APC: variants seen among roughly 807,000 people sequenced by gnomAD.
APC encodes the protein APC regulator of Wnt signaling pathway, also known as adenomatous polyposis coli protein.
In APC, 72 loss-of-function variants were observed where a neutral mutation model predicts 247.0. The observed-to-expected ratio is 0.29, with a 90% CI of 0.24 to 0.35. APC has a LOEUF of 0.35. Among genes scored for constraint, APC ranks in the 10% least tolerant of loss-of-function variants. APC has a pLI of 1.00. For synonymous variants in APC, 1,254 were observed against 1,162.5 expected, an observed-to-expected ratio of 1.08 and a Z score of -1.60; for missense variants, 3,400 against 3,360.7, an observed-to-expected ratio of 1.01 and a Z score of -0.29.
chr5:112,841,026 C>T lies in APC; in HGVS notation c.5432C>T (p.Ser1811Leu), dbSNP rs1060503325. Residue 1811 changes from serine to leucine, a missense_variant, in exon 16 of 16, where the codon TCA becomes TTA. Ser to Leu is a moderately radical substitution (Grantham distance 145). Around this residue, in one of 9 missense-constraint regions of APC, gnomAD observed 1,788 missense variants for 1,649.5 expected, o/e 1.08. Coordinates refer to ENST00000257430, the MANE Select transcript of APC (RefSeq NM_000038.6). The surrounding 1 kb of genome is among the most constrained non-coding windows in gnomAD (Gnocchi z 4.6). ...AGAGTTTTCTCAGACAACAAAGATT[C>T]AAAGAAACAGAATTTGAAAAATAAT... ...AERVFSDNKD[S>L]KKQNLKNNSK... The T allele has an allele frequency of 2.5e-6, 4 of 1,610,876 alleles. No individual in the cohort carries two copies. In the East Asian group the frequency reaches 8.9e-5, roughly 36 times the overall value.
chr5:112,727,729 G>C (rs1344667472), intron 1 of APC, among the ~76,000 whole-genome samples: 1 of 152,010 alleles, frequency 6.6e-6, no homozygotes, highest in African/African-American at 2.4e-5. Context: ...GAATCCACAT[G>C]CATAAGCATT....
chr5:112,735,151 AATTT>A (rs1191852789), upstream of APC, among the ~76,000 whole-genome samples: 1 of 151,954 alleles, frequency 6.6e-6, no homozygotes, highest in African/African-American at 2.4e-5. Flanking sequence ...AGTGTTACAC[AATTT>A]ATTTCTGTTT....
chr5:112,719,776 C>T (rs565843187), intron 1 of APC, among the ~76,000 whole-genome samples: 1 of 152,308 alleles, frequency 6.6e-6, no homozygotes, highest in Non-Finnish European at 1.5e-5. Flanking sequence ...TTCCTGACCT[C>T]AGGTGATCCT....
chr5:112,817,570 C>T (rs891745784), intron 9 of APC, among the ~76,000 whole-genome samples: 1 of 152,292 alleles, frequency 6.6e-6, no homozygotes, highest in East Asian at 1.9e-4. Flanking sequence ...TGTCTAACCT[C>T]AACATGTAGT....
At chr5:112,763,542 T>G (rs1755907925) in intron 2 of APC, among the ~76,000 whole-genome samples, 1 of 152,150 alleles carries the variant, frequency 6.6e-6, no homozygotes, top group South Asian at 2.1e-4. Context: ...TTTTATTATT[T>G]CTTTTTAAAA....
At position 112,843,677 on chromosome 5, in the gene APC, A is replaced by G; in HGVS notation, c.8083A>G (p.Lys2695Glu). Residue 2695 changes from lysine to glutamate, a missense_variant, in exon 16 of 16, where the codon AAA (lysine) becomes GAA (glutamate). Physicochemically the swap from Lys to Glu is moderately conservative, Grantham distance 56 (BLOSUM62 1). Transcript: ENST00000257430. The surrounding 1 kb of genome is among the most constrained non-coding windows in gnomAD (Gnocchi z 4.8). ...TTCAGAAAAGGCAAATCCAAACATT[A>G]AAGATTCAAAAGATAATCAGGCAAA... ...SVSEKANPNI[K>E]DSKDNQAKQN... 1 of 1,614,028 alleles carries G rather than the reference A, an allele frequency of 6.2e-7. No homozygotes were observed. The highest frequency in any genetic ancestry group is 1.1e-5 in the South Asian group (1 of 91,080).
chr5:112,711,964 C>G (rs1220839535), intron 1 of APC, among the ~76,000 whole-genome samples: 1 of 152,202 alleles, frequency 6.6e-6, no homozygotes, highest in Non-Finnish European at 1.5e-5. Context: ...AAGGCCACTT[C>G]TCCTAGCCTT....
At chr5:112,760,388 G>C (rs941151999) in intron 2 of APC, among the ~76,000 whole-genome samples, 1 of 152,222 alleles carries the variant, frequency 6.6e-6, no homozygotes, top group Non-Finnish European at 1.5e-5. Context: ...AGTCCTGCTA[G>C]AGGGAGAGAC....
chr5:112,820,133 A>G (rs1762969857), intron 10 of APC, among the ~76,000 whole-genome samples: 2 of 152,010 alleles, frequency 1.3e-5, no homozygotes, highest in Admixed American at 1.3e-4. Context: ...CCAAGAACCA[A>G]AAGCAGTAAG....
chr5:112,799,996 A>G (rs536127958), intron 7 of APC, among the ~76,000 whole-genome samples: 1 of 152,242 alleles, frequency 6.6e-6, no homozygotes, highest in African/African-American at 2.4e-5. Context: ...TCTCTGTTAT[A>G]TATATTTACA....
chr5:112,801,631 G>C (rs1029812914), intron 8 of APC, among the ~76,000 whole-genome samples: 8 of 151,578 alleles, frequency 5.3e-5, no homozygotes, highest in Non-Finnish European at 1.0e-4. Context: ...TAAAATGATT[G>C]TGAGTAGTTT....
At chr5:112,708,279 T>C (rs1750646735) in intron 1 of APC, among the ~76,000 whole-genome samples, 1 of 152,222 alleles carries the variant, frequency 6.6e-6, no homozygotes, top group African/African-American at 2.4e-5. Flanking sequence ...AAATACCTGA[T>C]AGCCCGGCAT....
In APC at chr5:112,841,536, A is replaced by G. The variant is rs1233897262; in HGVS notation, c.5942A>G (p.Asn1981Ser). Residue 1981 changes from asparagine (N) to serine (S), a missense_variant, in exon 16 of 16, where the codon AAT becomes AGT. Coordinates refer to ENST00000257430, the MANE Select transcript of APC (RefSeq NM_000038.6). The surrounding 1 kb of genome is among the most constrained non-coding windows in gnomAD (Gnocchi z 4.6). ...SLSDIDQENN[N>S]KENEPIKETE... ...AGTGACATTGACCAAGAAAACAACA[A>G]TAAAGAAAATGAACCTATCAAAGAG... 6 of 1,614,020 alleles carry G rather than the reference A, an allele frequency of 3.7e-6. No homozygotes were observed. The highest frequency in any genetic ancestry group is 1.1e-5 in the South Asian group (1 of 91,078).
intron 1 of APC, among the ~76,000 whole-genome samples, chr5:112,753,491 A>T (rs944732723): frequency 6.6e-6 from 1 of 152,202 alleles, no homozygotes; most frequent in Non-Finnish European, 1.5e-5. Flanking sequence ...TCATTTACAA[A>T]TTGTGAAATG....
At chr5:112,723,837 A>G (rs139970577) in intron 1 of APC, among the ~76,000 whole-genome samples, 515 of 152,180 alleles carry the variant, frequency 3.4e-3, no homozygotes, top group African/African-American at 4.6e-3. Context: ...TTACCTTACC[A>G]TTACTGCCCC....
rs1554085511 is a variant in APC at position 112,839,688 on chromosome 5, G to A, written c.4094G>A (p.Gly1365Asp). ...SSGAKSPSKS[G>D]AQTPKSPPEH... Reference sequence around the variant, plus strand: ...GGAGCGAAATCTCCCTCCAAAAGTGGTGCTCAGACACCCAAAAGTCCACCT... The same window carrying A: ...GGAGCGAAATCTCCCTCCAAAAGTGATGCTCAGACACCCAAAAGTCCACCT... Residue 1365 changes from glycine to aspartate, a missense_variant, in exon 16 of 16, where the codon GGT (glycine) becomes GAT (aspartate). Around this residue, in one of 9 missense-constraint regions of APC, gnomAD observed 715 missense variants for 656.6 expected, o/e 1.09. Coordinates refer to ENST00000257430, the MANE Select transcript of APC (RefSeq NM_000038.6). This position sits in a 1 kb window ranked among gnomAD's most constrained non-coding sequence, Gnocchi z 5.0. 2 of 1,614,038 alleles carry A rather than the reference G, an allele frequency of 1.2e-6. No individual in the cohort carries two copies. Among genetic ancestry groups the A allele is most frequent in the Non-Finnish European group, 1.7e-6 (2 of 1,179,988 alleles).
At chr5:112,753,584 T>G (rs1416153886) in intron 1 of APC, among the ~76,000 whole-genome samples, 2 of 151,968 alleles carry the variant, frequency 1.3e-5, no homozygotes, top group African/African-American at 4.8e-5. Context: ...ACCAAAGACT[T>G]TTGTAGGTGA....
intron 14 of APC, among the ~76,000 whole-genome samples, chr5:112,834,412 T>C (rs1456236196): frequency 6.6e-6 from 1 of 151,758 alleles, no homozygotes; most frequent in African/African-American, 2.4e-5. Context: ...CGGCTAATTT[T>C]TTTTTGTATT....
chr5:112,750,025 C>T lies in APC; in HGVS notation c.-18-4848C>T, dbSNP rs567580401. ...TCTCCCTGGCTGGAGTGCAGTGGCGCGATCTCGGCTCACTGCATCCTCCAC... is the reference window on the plus strand; with the variant it reads ...TCTCCCTGGCTGGAGTGCAGTGGCGTGATCTCGGCTCACTGCATCCTCCAC... On this transcript the variant is annotated intron_variant, in intron 1 of 15. Transcript: ENST00000257430. 1.8e-4 allele frequency among the ~76,000 whole-genome samples: 26 copies of T among 142,448 alleles called. No individual in the cohort carries two copies. In the East Asian group the frequency reaches 4.0e-3, roughly 22 times the overall value. 93.5% of individuals were successfully genotyped at this position (142,448 alleles called of 152,430 possible).
Sources: allele counts gnomAD v4.1 joint callset (sites outside exome capture counted in the v4.1 genomes callset), GRCh38; gene constraint gnomAD v4.1.1; regional missense constraint gnomAD v4.1.1; non-coding constraint Gnocchi (gnomAD v3.1); transcripts MANE v1.5; gene names NCBI Gene and HGNC (gene_info 2026-07-23, HGNC 2026-07-21).